The following DLGAP2 variants were observed in gnomAD, a reference collection of about 807,000 sequenced individuals.
DLGAP2 encodes the protein disks large-associated protein 2.
Under a neutral mutation model 100.3 loss-of-function variants are expected in DLGAP2, and 26 were observed. The observed-to-expected ratio is 0.26, with a 90% confidence interval of 0.19 to 0.36. The LOEUF is 0.36. Ranked by LOEUF, DLGAP2 falls within the 10% of genes least tolerant of loss-of-function variation. The pLI is 1.00. For synonymous variants in DLGAP2, 886 were observed against 630.1 expected (o/e 1.41, Z -6.08); for missense variants, 1,858 against 1,453.2 (o/e 1.28, Z -4.53).
intron 2 of DLGAP2, among the ~76,000 whole-genome samples, chr8:1,077,620 A>G (rs1585038885): frequency 6.6e-6 from 1 of 152,180 alleles, no homozygotes; most frequent in Non-Finnish European, 1.5e-5. Context: ...TTAAACCACC[A>G]ATGGCCATAC....
intron 2 of DLGAP2, among the ~76,000 whole-genome samples, chr8:1,071,160 C>A (rs548551736): frequency 6.6e-6 from 1 of 152,210 alleles, no homozygotes; most frequent in Non-Finnish European, 1.5e-5. Context: ...CGAGCGGAAG[C>A]TGGGGAGGAG....
intron 2 of DLGAP2, among the ~76,000 whole-genome samples, chr8:944,235 G>A (rs1003407356): frequency 3.9e-5 from 6 of 152,190 alleles, no homozygotes; most frequent in Non-Finnish European, 8.8e-5. Context: ...CCCTGTGGGT[G>A]ATCCAGTGGG....
Position 917,881 on chromosome 8 carries a change from CAG to C in DLGAP2, c.73+9918_73+9919del, listed in dbSNP as rs375197214. Among the ~76,000 whole-genome samples the C allele has an allele frequency of 3.0e-3, 451 of 152,286 alleles. 2 individuals are homozygous for C. Among genetic ancestry groups the C allele is most frequent in the African/African-American group, 0.01 (430 of 41,560 alleles). ...GGCGTGAGCTACTGCGCCCGGCCTC[CAG>C]AGTATTCTTTTGTGAGGTAAAGTTG... On this transcript the variant is annotated intron_variant, in intron 2 of 14. Coordinates refer to ENST00000637795, the MANE Select transcript of DLGAP2 (RefSeq NM_001346810.2).
intron 2 of DLGAP2, among the ~76,000 whole-genome samples, chr8:1,203,223 C>T (rs1328040309): frequency 1.3e-5 from 2 of 152,188 alleles, no homozygotes; most frequent in Non-Finnish European, 2.9e-5. Context: ...TGTCCTGCAG[C>T]ACCCACCCCT....
intron 5 of DLGAP2, among the ~76,000 whole-genome samples, chr8:1,557,487 C>T (rs1382422805): frequency 6.6e-6 from 1 of 152,096 alleles, no homozygotes; most frequent in East Asian, 1.9e-4. Flanking sequence ...CAGGTCTCGG[C>T]CGATTCTGAG....
intron 3 of DLGAP2, among the ~76,000 whole-genome samples, chr8:1,379,328 C>A (rs189539384): frequency 6.6e-6 from 1 of 152,280 alleles, no homozygotes; most frequent in Non-Finnish European, 1.5e-5. Flanking sequence ...CTAAGAGCCG[C>A]GTCTTTGCTA....
intron 6 of DLGAP2, among the ~76,000 whole-genome samples, chr8:1,598,617 A>G (rs1442356624): frequency 2.0e-5 from 3 of 152,138 alleles, no homozygotes; most frequent in African/African-American, 7.2e-5. Context: ...CCAGGAATGT[A>G]TCAGTTTCTT....
intron 3 of DLGAP2, among the ~76,000 whole-genome samples, chr8:1,331,987 G>A (rs1241473471): frequency 6.6e-6 from 1 of 152,220 alleles, no homozygotes; most frequent in East Asian, 1.9e-4. Context: ...CAGCCCCAGG[G>A]TGGGCCAGGG....
intron 1 of DLGAP2, among the ~76,000 whole-genome samples, chr8:797,686 C>G (rs1229851029): frequency 6.6e-6 from 1 of 152,198 alleles, no homozygotes; most frequent in East Asian, 1.9e-4. Flanking sequence ...GGGCTGGGAG[C>G]TCCTGGCTCT....
chr8:1,365,762 A>G (rs1024449408), intron 3 of DLGAP2, among the ~76,000 whole-genome samples: 2 of 152,210 alleles, frequency 1.3e-5, no homozygotes, highest in Admixed American at 1.3e-4. Flanking sequence ...GCCCACGCGG[A>G]GGGCGAGCCT....
chr8:1,156,550 G>A (rs921405939), intron 2 of DLGAP2, among the ~76,000 whole-genome samples: 3 of 151,204 alleles, frequency 2.0e-5, no homozygotes, highest in African/African-American at 7.3e-5. Context: ...CCCAAATCCC[G>A]GCCACGCTCT....
intron 2 of DLGAP2, among the ~76,000 whole-genome samples, chr8:1,164,925 G>C (rs555347219): frequency 6.6e-5 from 10 of 152,118 alleles, no homozygotes; most frequent in East Asian, 1.9e-4. Context: ...AGATGCAATC[G>C]TGGAAAATGA....
At chr8:835,886 C>A (rs1054306265) in intron 1 of DLGAP2, among the ~76,000 whole-genome samples, 7 of 152,188 alleles carry the variant, frequency 4.6e-5, no homozygotes, top group African/African-American at 1.7e-4. Flanking sequence ...GAACTGCTTT[C>A]CTGTTACGCT....
chr8:1,545,261 A>C (rs1189594405), intron 4 of DLGAP2, among the ~76,000 whole-genome samples: 1 of 152,128 alleles, frequency 6.6e-6, no homozygotes, highest in Non-Finnish European at 1.5e-5. Flanking sequence ...TCTGGTCCTG[A>C]ACTTTTCGTC....
chr8:1,092,770 A>G (rs1466911826), intron 2 of DLGAP2, among the ~76,000 whole-genome samples: 1 of 152,262 alleles, frequency 6.6e-6, no homozygotes, highest in South Asian at 2.1e-4. Flanking sequence ...TCCCAGCAAC[A>G]CAGATGGTGT....
intron 6 of DLGAP2, among the ~76,000 whole-genome samples, chr8:1,609,131 A>G (rs1221378521): frequency 1.5e-5 from 2 of 130,636 alleles, no homozygotes; most frequent in African/African-American, 2.6e-5. Flanking sequence ...TGTTAAGGGC[A>G]GCCAGAGAGA....
At chr8:1,031,385 C>G (rs899210576) in intron 2 of DLGAP2, among the ~76,000 whole-genome samples, 2 of 151,894 alleles carry the variant, frequency 1.3e-5, no homozygotes, top group African/African-American at 4.8e-5. Flanking sequence ...ATTTCTTGCA[C>G]TTTATTTTTT....
At chr8:1,495,122 C>T (rs1306054146) in intron 3 of DLGAP2, among the ~76,000 whole-genome samples, 2 of 152,206 alleles carry the variant, frequency 1.3e-5, no homozygotes, top group Admixed American at 6.5e-5. Flanking sequence ...CCTTCCCTGC[C>T]AAGATCAGAC....
chr8:1,142,243 G>A (rs1042825096), intron 2 of DLGAP2, among the ~76,000 whole-genome samples: 19 of 152,004 alleles, frequency 1.2e-4, no homozygotes, highest in African/African-American at 4.6e-4. Context: ...TGCATCATAA[G>A]GTGGTTCACC....
Sources: allele counts gnomAD v4.1 joint callset (sites outside exome capture counted in the v4.1 genomes callset), GRCh38; gene constraint gnomAD v4.1.1; transcripts MANE v1.5; gene names NCBI Gene and HGNC (gene_info 2026-07-23, HGNC 2026-07-21).